The following ITPR1 variants were observed in gnomAD, a reference collection of about 807,000 sequenced individuals.
The protein encoded by ITPR1 is inositol 1,4,5-trisphosphate-gated calcium channel ITPR1.
ITPR1 carries 96 observed loss-of-function variants against 318.4 expected under a neutral mutation model. The ratio of observed to expected loss-of-function variants is 0.30; its 90% CI spans 0.26 to 0.36. The LOEUF (loss-of-function observed/expected upper bound fraction) is 0.36. Among genes scored for constraint, ITPR1 ranks in the 10% least tolerant of loss-of-function variants. The probability of loss-of-function intolerance (pLI) is 1.00; values close to 1 mark genes in which losing one functional copy is unlikely to be tolerated. For synonymous variants in ITPR1, 1,312 were observed against 1,289.9 expected, an observed-to-expected ratio of 1.02 and a Z score of -0.37; for missense variants, 2,440 against 3,460.2, an observed-to-expected ratio of 0.71 and a Z score of 7.40.
At chr3:4,598,456 C>CA (rs1262046250) in intron 4 of ITPR1, among the ~76,000 whole-genome samples, 4 of 151,782 alleles carry the variant, frequency 2.6e-5, no homozygotes, top group Non-Finnish European at 4.4e-5. Flanking sequence ...CCCGTCTCTA[C>CA]AAAAAAATAC....
chr3:4,580,930 T>G (rs1266753335), intron 4 of ITPR1, among the ~76,000 whole-genome samples: 1 of 152,146 alleles, frequency 6.6e-6, no homozygotes, highest in East Asian at 1.9e-4. Flanking sequence ...CCAATATTTC[T>G]TCTGTAAATA....
chr3:4,693,194 C>T (rs1331028486), intron 32 of ITPR1, among the ~76,000 whole-genome samples: 3 of 152,106 alleles, frequency 2.0e-5, no homozygotes, highest in African/African-American at 7.2e-5. Flanking sequence ...ATGGAAATAC[C>T]AGTGCAAGCT....
At chr3:4,511,977 G>A (rs1364018170) in intron 2 of ITPR1, among the ~76,000 whole-genome samples, 1 of 152,040 alleles carries the variant, frequency 6.6e-6, no homozygotes, top group Non-Finnish European at 1.5e-5. Context: ...GCTAAGGGAG[G>A]GGACAGGAGT....
chr3:4,753,799 G>A (rs1173042737), intron 44 of ITPR1, among the ~76,000 whole-genome samples: 1 of 152,162 alleles, frequency 6.6e-6, no homozygotes, highest in African/African-American at 2.4e-5. Flanking sequence ...CGTGGCTGGT[G>A]TAGACACCCT....
intron 35 of ITPR1, among the ~76,000 whole-genome samples, 191 bp downstream of exon 35, chr3:4,700,132 T>G (rs1047126461): frequency 6.6e-6 from 1 of 152,242 alleles, no homozygotes; most frequent in Non-Finnish European, 1.5e-5. Context: ...TATTTTCTTA[T>G]ACTGAATGGT....
chr3:4,587,100 G>A (rs1255927810), intron 4 of ITPR1, among the ~76,000 whole-genome samples: 4 of 152,046 alleles, frequency 2.6e-5, no homozygotes, highest in African/African-American at 4.8e-5. Context: ...TTCGACGACC[G>A]GCTTGCTTTG....
chr3:4,837,202 G>C (rs2050986157), intron 61 of ITPR1, among the ~76,000 whole-genome samples: 1 of 152,070 alleles, frequency 6.6e-6, no homozygotes, highest in African/African-American at 2.4e-5. Context: ...AAAAAAAGGA[G>C]GGAAATGCAG....
At chr3:4,681,604 T>TGA (rs199705361) in intron 26 of ITPR1, among the ~76,000 whole-genome samples, 186 bp downstream of exon 26, 6 of 99,234 alleles carry the variant, frequency 6.0e-5, no homozygotes, top group African/African-American at 1.2e-4. Flanking sequence ...AGAGAGAGAG[T>TGA]GAGAGAGAGA....
At chr3:4,821,095 C>T (rs1355420906) in intron 60 of ITPR1, among the ~76,000 whole-genome samples, 1 of 152,228 alleles carries the variant, frequency 6.6e-6, no homozygotes, top group African/African-American at 2.4e-5. Context: ...GAGCCAACCC[C>T]AGGAGGCTGT....
In ITPR1 at chr3:4,782,696, G is replaced by C. The variant is rs376367207; in HGVS notation, c.6465G>C (p.Ala2155=). 2 of 1,596,776 alleles carry C rather than the reference G, an allele frequency of 1.3e-6. No homozygotes were observed. Among genetic ancestry groups the C allele is most frequent in the Admixed American group, 1.7e-5 (1 of 58,478 alleles). ...EDGENGEDGA[A]SPRNVGHNIY... ...GAGAAAACGGTGAGGATGGGGCGGC[G>C]TCCCCCAGGAACGTGGGGCACAACA... The change falls in exon 50 of 62, where the codon GCG becomes GCC. Residue 2155 remains alanine (A), a synonymous_variant. Transcript: ENST00000649015.
intron 4 of ITPR1, among the ~76,000 whole-genome samples, chr3:4,593,154 G>C (rs2090522504): frequency 6.6e-6 from 1 of 152,164 alleles, no homozygotes; most frequent in South Asian, 2.1e-4. Context: ...TGCGGTGTGG[G>C]GTTGAAGGAG....
intron 60 of ITPR1, among the ~76,000 whole-genome samples, chr3:4,836,302 T>TA (rs1291818362): frequency 2.0e-5 from 3 of 152,054 alleles, no homozygotes; most frequent in East Asian, 1.9e-4. Flanking sequence ...TTGGGGAAGA[T>TA]AAAAAAATAG....
intron 44 of ITPR1, among the ~76,000 whole-genome samples, chr3:4,736,003 G>C (rs971398278): frequency 3.3e-5 from 5 of 152,134 alleles, no homozygotes; most frequent in African/African-American, 1.2e-4. Context: ...CAATTTTCAT[G>C]ATTTTTTCTT....
chr3:4,686,240 G>A (rs765993042), intron 30 of ITPR1, among the ~76,000 whole-genome samples: 9 of 152,092 alleles, frequency 5.9e-5, no homozygotes, highest in Admixed American at 1.3e-4. Flanking sequence ...TATGCCTGTC[G>A]CCTTCTACTC....
rs1428778861 is a variant in ITPR1 at position 4,826,826 on chromosome 3, G to T, written c.8028+8584G>T. On this transcript the variant is annotated intron_variant, in intron 60 of 61. Coordinates refer to ENST00000649015, the MANE Select transcript of ITPR1 (RefSeq NM_001378452.1). This position sits in a 1 kb window ranked among gnomAD's most constrained non-coding sequence, Gnocchi z 4.2. ...CTACATTCTGACCTTCGTGGAGGGT[G>T]TGCCAGGTGCCGTTTGTAACAATGA... Among the ~76,000 whole-genome samples, 2 of 152,178 alleles carry T rather than the reference G, an allele frequency of 1.3e-5. No individual in the cohort carries two copies. The highest frequency in any genetic ancestry group is 2.9e-5 in the Non-Finnish European group (2 of 68,032).
At chr3:4,546,502 G>GTTC (rs1408747275) in intron 4 of ITPR1, among the ~76,000 whole-genome samples, 1 of 152,172 alleles carries the variant, frequency 6.6e-6, no homozygotes, top group African/African-American at 2.4e-5. Context: ...CTTTCCAGGA[G>GTTC]TTCTTGCCTC....
chr3:4,817,965 C>G (rs2049418283), intron 59 of ITPR1, 117 bp from the exon 60 acceptor site: 2 of 769,250 alleles, frequency 2.6e-6, no homozygotes, highest in African/African-American at 3.5e-5. Flanking sequence ...GAATCCAACT[C>G]TTTATAAAGA....
chr3:4,533,000 C>G (rs1335579915), intron 4 of ITPR1, among the ~76,000 whole-genome samples: 1 of 152,150 alleles, frequency 6.6e-6, no homozygotes, highest in African/African-American at 2.4e-5. Context: ...ATGGATGATT[C>G]CATTTGACTG....
chr3:4,761,400 T>G lies in ITPR1; in HGVS notation c.5545-5130T>G, dbSNP rs557017828. ...TCCTGCATCAATTTGCTTAGGAAAA[T>G]GACCCCCAGCTGCATCCATTTTGCT... On this transcript the variant is annotated intron_variant, in intron 44 of 61. Transcript: ENST00000649015. Among the ~76,000 whole-genome samples the G allele has an allele frequency of 1.6e-4, 25 of 152,336 alleles. 1 individual carries two copies. The South Asian group carries it at 5.2e-3, about 32-fold the overall frequency.
Sources: allele counts gnomAD v4.1 joint callset (sites outside exome capture counted in the v4.1 genomes callset), GRCh38; gene constraint gnomAD v4.1.1; non-coding constraint Gnocchi (gnomAD v3.1); transcripts MANE v1.5; gene names NCBI Gene and HGNC (gene_info 2026-07-23, HGNC 2026-07-21).